SNX9: variants seen among roughly 807,000 people sequenced by gnomAD.
SNX9 encodes the protein sorting nexin-9.
In SNX9, 44 loss-of-function variants were observed where a neutral mutation model predicts 89.4. The observed-to-expected ratio is 0.49, with a 90% CI of 0.39 to 0.63. SNX9 has a LOEUF of 0.63. Ranked by LOEUF, SNX9 falls within the 30% of genes least tolerant of loss-of-function variation. SNX9 has a pLI of 0.00. For missense variants in SNX9, 578 were observed against 736.1 expected (o/e 0.79, Z 2.49); for synonymous variants, 236 against 247.8 (o/e 0.95, Z 0.45).
chr6:157,929,352 G>T (rs1430438402), intron 12 of SNX9, among the ~76,000 whole-genome samples: 2 of 152,236 alleles, frequency 1.3e-5, no homozygotes, highest in African/African-American at 4.8e-5. Context: ...TAATGCCACG[G>T]GCTGCTGCCC....
chr6:157,926,172 A>C (rs2115198189), intron 10 of SNX9, among the ~76,000 whole-genome samples: 1 of 152,320 alleles, frequency 6.6e-6, no homozygotes, highest in African/African-American at 2.4e-5. Flanking sequence ...AAAGCAAAGA[A>C]ATGAAAACCA....
Position 157,942,884 on chromosome 6 carries a change from T to C in SNX9, c.*46T>C. ...GAATGCCGCGTGCTTTCTCCTGACT[T>C]GGGGCAATGCAATTCAAAACTTTTT... is the stretch of plus-strand genomic sequence containing the variant. On this transcript the variant is annotated 3_prime_UTR_variant, in exon 18 of 18. Transcript: ENST00000392185. 3 of 1,569,162 alleles carry C rather than the reference T, an allele frequency of 1.9e-6. No homozygotes were observed. Among genetic ancestry groups the C allele is most frequent in the Non-Finnish European group, 2.6e-6 (3 of 1,153,270 alleles).
intron 14 of SNX9, among the ~76,000 whole-genome samples, chr6:157,936,679 GTGCCTACCC>G (rs1783931988): frequency 6.6e-6 from 1 of 152,138 alleles, no homozygotes; most frequent in Admixed American, 6.5e-5. Context: ...TGCAGTGGTA[GTGCCTACCC>G]TGTATGATTC....
chr6:157,891,151 C>T lies in SNX9; in HGVS notation c.301-5676C>T, dbSNP rs181543943. On this transcript the variant is annotated intron_variant, in intron 4 of 17. Transcript: ENST00000392185. ...GGTTCAAGCGATTCTCCTGCTTCAGCCTCCCAAGTAGCTGGGATTATAGGC... is the reference window on the plus strand; with the variant it reads ...GGTTCAAGCGATTCTCCTGCTTCAGTCTCCCAAGTAGCTGGGATTATAGGC... Among the ~76,000 whole-genome samples, 53 of 150,870 alleles carry T rather than the reference C, an allele frequency of 3.5e-4. 1 individual carries two copies. In the East Asian group the frequency reaches 6.3e-3, roughly 18 times the overall value.
In SNX9 at chr6:157,927,099, T is replaced by G. The variant is rs940151640; in HGVS notation, c.1081-12T>G. 7.5e-6 allele frequency: 12 copies of G among 1,608,292 alleles called. No homozygotes were observed. Among genetic ancestry groups the G allele is most frequent in the Non-Finnish European group, 1.0e-5 (12 of 1,174,764 alleles). On this transcript the variant is annotated splice_polypyrimidine_tract_variant and intron_variant, in intron 10 of 17. Transcript: ENST00000392185. ...GCTCTCCACTTGAACCTTACAACAT[T>G]CTCATTTACAGGAATGGAAAACTGG...
chr6:157,841,721 C>T (rs1583194145), intron 1 of SNX9, among the ~76,000 whole-genome samples: 3 of 152,294 alleles, frequency 2.0e-5, no homozygotes, highest in African/African-American at 7.2e-5. Context: ...TCCAGGGTGA[C>T]AGAGCCCTGC....
intron 5 of SNX9, among the ~76,000 whole-genome samples, 184 bp downstream of exon 5, chr6:157,897,182 T>C (rs903301959): frequency 7.0e-6 from 1 of 143,210 alleles, no homozygotes; most frequent in African/African-American, 2.6e-5. Flanking sequence ...CAGCTGAGTG[T>C]CCTACAGTCA....
chr6:157,939,681 C>T (rs889189465), intron 16 of SNX9, among the ~76,000 whole-genome samples: 2 of 152,086 alleles, frequency 1.3e-5, no homozygotes, highest in East Asian at 1.9e-4. Context: ...CAGGCCACTA[C>T]GGCAAAAACG....
At chr6:157,869,831 C>T (rs1188060195) in intron 2 of SNX9, among the ~76,000 whole-genome samples, 1 of 152,030 alleles carries the variant, frequency 6.6e-6, no homozygotes, top group African/African-American at 2.4e-5. Context: ...CTCACGCACT[C>T]TCTCACATTA....
At chr6:157,858,372 G>A (rs1393722840) in intron 1 of SNX9, among the ~76,000 whole-genome samples, 4 of 151,594 alleles carry the variant, frequency 2.6e-5, no homozygotes, top group Non-Finnish European at 4.4e-5. Flanking sequence ...TCAGCCTAGC[G>A]AGTAGCTAGG....
At chr6:157,864,593 C>T (rs1044464647) in intron 1 of SNX9, among the ~76,000 whole-genome samples, 1 of 152,178 alleles carries the variant, frequency 6.6e-6, no homozygotes, top group Non-Finnish European at 1.5e-5. Context: ...AACACAACAG[C>T]AGGTTCCTCA....
At chr6:157,868,993 T>A (rs1489830080) in intron 2 of SNX9, among the ~76,000 whole-genome samples, 1 of 152,210 alleles carries the variant, frequency 6.6e-6, no homozygotes, top group Non-Finnish European at 1.5e-5. Flanking sequence ...GTGTGTGCAG[T>A]CTTGGGAGAG....
chr6:157,909,298 T>C (rs915790682), intron 7 of SNX9, among the ~76,000 whole-genome samples: 19 of 152,216 alleles, frequency 1.2e-4, no homozygotes, highest in African/African-American at 4.6e-4. Flanking sequence ...CACCAAACTA[T>C]TAGTCTGTGA....
chr6:157,833,902 A>G (rs1178528690), intron 1 of SNX9, among the ~76,000 whole-genome samples: 1 of 152,196 alleles, frequency 6.6e-6, no homozygotes. Flanking sequence ...ACACTGAAGC[A>G]CCAGGTTTTT....
intron 9 of SNX9, among the ~76,000 whole-genome samples, chr6:157,912,412 G>C (rs964220142): frequency 2.7e-5 from 4 of 145,500 alleles, no homozygotes; most frequent in Admixed American, 6.7e-5. Context: ...TCCATACTAA[G>C]ATTTGTTTAA....
At chr6:157,906,273 TAAAGC>T (rs1783214074) in intron 7 of SNX9, 61 bp downstream of exon 7, 3 of 1,310,510 alleles carry the variant, frequency 2.3e-6, no homozygotes, top group Admixed American at 2.4e-5. Context: ...TACCGTACTT[TAAAGC>T]TAAGCGAGTT....
chr6:157,865,155 A>G (rs901094834), intron 1 of SNX9, among the ~76,000 whole-genome samples: 2 of 151,352 alleles, frequency 1.3e-5, no homozygotes, highest in Admixed American at 6.6e-5. Context: ...CCTGACCAAC[A>G]TGGTGAAACC....
At chr6:157,936,377 T>G (rs1395490790) in intron 14 of SNX9, among the ~76,000 whole-genome samples, 1 of 152,052 alleles carries the variant, frequency 6.6e-6, no homozygotes, top group Non-Finnish European at 1.5e-5. Context: ...GGTGTAGTGG[T>G]GTACACCTGT....
intron 15 of SNX9, 108 bp downstream of exon 15, chr6:157,937,631 T>A: frequency 1.4e-6 from 1 of 723,968 alleles, no homozygotes; most frequent in Non-Finnish European, 2.3e-6. Context: ...AGAAACAATC[T>A]ATAATTCCCA....
Sources: gnomAD v4.1 joint callset for allele counts (sites outside exome capture counted in the v4.1 genomes callset) on GRCh38, gnomAD v4.1.1 for gene constraint, MANE v1.5 for transcripts, NCBI Gene and HGNC (gene_info 2026-07-23, HGNC 2026-07-21) for gene names.